Variants in PRDM16 observed in about 807,000 individuals in gnomAD.
The protein encoded by PRDM16 is PR/SET domain 16, also known as histone-lysine N-methyltransferase PRDM16.
A neutral mutation model predicts 110.6 loss-of-function variants in PRDM16; 23 were observed. The observed-to-expected ratio is 0.21, with a 90% CI of 0.15 to 0.29. PRDM16 has a LOEUF of 0.29. PRDM16 is among the 10% of genes least tolerant of loss of function. The probability of loss-of-function intolerance (pLI) is 1.00; values close to 1 mark genes in which losing one functional copy is unlikely to be tolerated. For missense variants in PRDM16, 1,615 were observed against 1,794.3 expected, an observed-to-expected ratio of 0.90 and a Z score of 1.81; for synonymous variants, 799 against 781.8, an observed-to-expected ratio of 1.02 and a Z score of -0.37.
chr1:3,173,997 G>A (rs188761048), intron 1 of PRDM16, among the ~76,000 whole-genome samples: 1 of 152,266 alleles, frequency 6.6e-6, no homozygotes, highest in African/African-American at 2.4e-5. Context: ...TGAGTGTCTT[G>A]GGTCTGCTTT....
chr1:3,360,631 G>A (rs1027087954), intron 3 of PRDM16, among the ~76,000 whole-genome samples: 3 of 152,192 alleles, frequency 2.0e-5, no homozygotes, highest in East Asian at 3.8e-4. Flanking sequence ...TCAGAGCCAG[G>A]TGCCACTCTG....
At position 3,114,193 on chromosome 1, in the gene PRDM16, G is replaced by GCA. The variant is rs1216124276; in HGVS notation, c.37+44901_37+44902dup. 1.4e-4 allele frequency among the ~76,000 whole-genome samples: 15 copies of GCA among 106,216 alleles called. No individual in the cohort carries two copies. In the South Asian group the frequency reaches 2.0e-3, roughly 14 times the overall value. 69.7% of individuals were successfully genotyped at this position (106,216 alleles called of 152,430 possible). ...CACACACGCACACACACGCACACAC[G>GCA]CACACGCACGCACACACGCACACGA... On this transcript the variant is annotated intron_variant, in intron 1 of 16. Coordinates refer to ENST00000270722, the MANE Select transcript of PRDM16 (RefSeq NM_022114.4).
intron 3 of PRDM16, among the ~76,000 whole-genome samples, chr1:3,316,467 G>T (rs1486220240): frequency 6.6e-6 from 1 of 152,242 alleles, no homozygotes; most frequent in Admixed American, 6.5e-5. Context: ...TACTGGGAGG[G>T]ATTCAGGACA....
rs1469780055 is a variant in PRDM16, at chr1:3,390,145, A to G, written c.573+4859A>G. ...AAAGAAAACAAGAGCTTGGCGATGAAGCGCCTGCGGGGGGATGCGGGAGGC... is the reference window on the plus strand; with the variant it reads ...AAAGAAAACAAGAGCTTGGCGATGAGGCGCCTGCGGGGGGATGCGGGAGGC... On this transcript the variant is annotated intron_variant, in intron 4 of 16. Transcript: ENST00000270722. The surrounding 1 kb of genome is among the most constrained non-coding windows in gnomAD (Gnocchi z 5.0). Among the ~76,000 whole-genome samples the G allele has an allele frequency of 6.6e-6, 1 of 152,168 alleles. No homozygotes were observed. Among genetic ancestry groups the G allele is most frequent in the African/African-American group, 2.4e-5 (1 of 41,434 alleles).
chr1:3,349,921 C>A (rs1642448771), intron 3 of PRDM16, among the ~76,000 whole-genome samples: 1 of 152,226 alleles, frequency 6.6e-6, no homozygotes, highest in African/African-American at 2.4e-5. Flanking sequence ...ATGTTTAGCT[C>A]TGCTCCCTCC....
At chr1:3,313,681 G>A (rs1641522080) in intron 3 of PRDM16, among the ~76,000 whole-genome samples, 1 of 152,246 alleles carries the variant, frequency 6.6e-6, no homozygotes, top group Non-Finnish European at 1.5e-5. Flanking sequence ...CCTCCCAGGG[G>A]CTTCCGCCAG....
chr1:3,172,018 CTG>C (rs1208043522), intron 1 of PRDM16, among the ~76,000 whole-genome samples: 1 of 152,306 alleles, frequency 6.6e-6, no homozygotes, highest in South Asian at 2.1e-4. Flanking sequence ...CAGCGGGAGG[CTG>C]TGAGGTACTC....
At chr1:3,195,411 T>C (rs1638449545) in intron 2 of PRDM16, among the ~76,000 whole-genome samples, 1 of 152,202 alleles carries the variant, frequency 6.6e-6, no homozygotes, top group African/African-American at 2.4e-5. Flanking sequence ...ATGGCTCTCC[T>C]TTACTTCCTT....
intron 3 of PRDM16, among the ~76,000 whole-genome samples, chr1:3,294,020 C>T (rs1641034404): frequency 6.6e-6 from 1 of 152,172 alleles, no homozygotes; most frequent in Non-Finnish European, 1.5e-5. Flanking sequence ...TAGGCCATTC[C>T]CCTGCCTCAC....
intron 3 of PRDM16, among the ~76,000 whole-genome samples, chr1:3,366,425 G>T (rs1642817237): frequency 6.6e-6 from 1 of 152,206 alleles, no homozygotes; most frequent in Admixed American, 6.5e-5. Flanking sequence ...CGCTCAGTAT[G>T]CCGGGACACT....
In PRDM16 at chr1:3,436,475, T is replaced by C. The variant is rs552674580; in HGVS notation, c.*2664T>C. On this transcript the variant is annotated 3_prime_UTR_variant, in exon 17 of 17. Transcript: ENST00000270722. ...TGAAAATGATGGCAAGCCCAGTTTCTCCTGAGCATTCAGACCCCCAGGCCC... is the reference window on the plus strand; with the variant it reads ...TGAAAATGATGGCAAGCCCAGTTTCCCCTGAGCATTCAGACCCCCAGGCCC... 1 of 231,812 alleles carries C rather than the reference T, an allele frequency of 4.3e-6. No individual in the cohort carries two copies. Among genetic ancestry groups the C allele is most frequent in the Non-Finnish European group, 8.5e-6 (1 of 117,144 alleles). The allele number at this position is 231,812 out of a possible 1,614,324, so 14.4% of individuals were successfully genotyped here. A position where few individuals can be genotyped will look rare whatever the true frequency, so the allele number is the denominator to read the frequency against.
At chr1:3,147,992 TC>T (rs1643708100) in intron 1 of PRDM16, among the ~76,000 whole-genome samples, 1 of 150,808 alleles carries the variant, frequency 6.6e-6, no homozygotes, top group Non-Finnish European at 1.5e-5. Context: ...CTGAACCCCA[TC>T]CTGCGGCAAA....
At chr1:3,261,739 C>G (rs1362387213) in intron 3 of PRDM16, among the ~76,000 whole-genome samples, 2 of 152,176 alleles carry the variant, frequency 1.3e-5, no homozygotes, top group Non-Finnish European at 2.9e-5. Flanking sequence ...TCAGGGCAGC[C>G]TGCCTCCTGA....
Position 3,411,684 on chromosome 1 carries a change from G to T in PRDM16, c.1487G>T (p.Gly496Val). 6.2e-7 allele frequency: 1 copy of T among 1,611,122 alleles called. No individual in the cohort carries two copies. The highest frequency in any genetic ancestry group is 8.5e-7 in the Non-Finnish European group (1 of 1,178,104). ...NEYFPSRPHP[G>V]SLPFSTAPPT... Reference sequence around the variant, plus strand: ...TACTTTCCCTCCAGGCCGCACCCGGGGAGCCTGCCCTTCTCCACGGCGCCT... The same window carrying T: ...TACTTTCCCTCCAGGCCGCACCCGGTGAGCCTGCCCTTCTCCACGGCGCCT... The change falls in exon 9 of 17, where the codon GGG becomes GTG. Residue 496 changes from glycine to valine, a missense_variant. Coordinates refer to ENST00000270722, the MANE Select transcript of PRDM16 (RefSeq NM_022114.4).
intron 4 of PRDM16, among the ~76,000 whole-genome samples, chr1:3,392,772 G>A (rs1240071589): frequency 6.6e-6 from 1 of 152,166 alleles, no homozygotes; most frequent in East Asian, 1.9e-4. Flanking sequence ...GAATGAACGT[G>A]GCCTGGGCTG....
rs200562747 is a variant in PRDM16 at position 3,405,555 on chromosome 1, G to T, written c.1093G>T (p.Ala365Ser). Residue 365 changes from alanine to serine, a missense_variant, in exon 8 of 17, where the codon GCC (alanine) becomes TCC (serine). Physicochemically the swap from Ala to Ser is moderately conservative, Grantham distance 99. Transcript: ENST00000270722. Reference protein sequence around the residue: ...HIRSQHVGARAHACPDCGKTF... With the variant: ...HIRSQHVGARSHACPDCGKTF... ...CCGCTCGCAGCACGTGGGCGCTCGG[G>T]CCCACGCCTGCCCCGACTGCGGGAA... 2.8e-4 allele frequency: 451 copies of T among 1,607,712 alleles called. No individual in the cohort carries two copies. The highest frequency in any genetic ancestry group is 5.5e-4 in the Admixed American group (33 of 59,586).
chr1:3,305,130 G>A (rs1641285487), intron 3 of PRDM16, among the ~76,000 whole-genome samples: 1 of 152,206 alleles, frequency 6.6e-6, no homozygotes, highest in Non-Finnish European at 1.5e-5. Context: ...GGTGCCAGCA[G>A]GGGAAGCTGG....
At chr1:3,104,936 A>G (rs1416406478) in intron 1 of PRDM16, among the ~76,000 whole-genome samples, 1 of 152,120 alleles carries the variant, frequency 6.6e-6, no homozygotes, top group Non-Finnish European at 1.5e-5. Context: ...CTCCAAGGAC[A>G]GGGCTCTTGC....
At chr1:3,351,711 C>T (rs1254251253) in intron 3 of PRDM16, among the ~76,000 whole-genome samples, 1 of 65,380 alleles carries the variant, frequency 1.5e-5, no homozygotes, top group East Asian at 4.5e-4. Context: ...CTCCCTTCCT[C>T]TGTCTCCCCC....
Sources: allele counts gnomAD v4.1 joint callset (sites outside exome capture counted in the v4.1 genomes callset), GRCh38; gene constraint gnomAD v4.1.1; non-coding constraint Gnocchi (gnomAD v3.1); transcripts MANE v1.5; gene names NCBI Gene and HGNC (gene_info 2026-07-23, HGNC 2026-07-21).